The following KLHL14 variants were observed in gnomAD, a reference collection of about 807,000 sequenced individuals.
KLHL14 encodes kelch-like protein 14.
KLHL14 carries 22 observed loss-of-function variants against 64.3 expected under a neutral mutation model. That is an observed-to-expected ratio of 0.34 (90% CI 0.24 to 0.49). KLHL14 has a LOEUF of 0.49. KLHL14 is among the 20% of genes least tolerant of loss of function. The pLI is 0.99. For missense variants in KLHL14, 661 were observed against 789.0 expected (o/e 0.84, Z 1.94); for synonymous variants, 322 against 333.4 (o/e 0.97, Z 0.37).
chr18:32,759,980 A>G (rs2050305484), intron 2 of KLHL14, among the ~76,000 whole-genome samples: 1 of 152,172 alleles, frequency 6.6e-6, no homozygotes, highest in South Asian at 2.1e-4. Flanking sequence ...TGTTTTCTTC[A>G]AAGTTTCCCT....
intron 2 of KLHL14, among the ~76,000 whole-genome samples, chr18:32,764,465 G>C (rs2050330270): frequency 1.3e-5 from 2 of 152,106 alleles, no homozygotes; most frequent in African/African-American, 4.8e-5. Flanking sequence ...TTTTCCACTA[G>C]AATAAGGGCA....
At chr18:32,727,317 T>C (rs1475258702) in intron 3 of KLHL14, among the ~76,000 whole-genome samples, 1 of 152,212 alleles carries the variant, frequency 6.6e-6, no homozygotes, top group African/African-American at 2.4e-5. Context: ...TCCATATCTA[T>C]TCAGGCTTTT....
chr18:32,747,991 G>T (rs1001988141), intron 2 of KLHL14, among the ~76,000 whole-genome samples: 5 of 152,216 alleles, frequency 3.3e-5, no homozygotes, highest in Non-Finnish European at 4.4e-5. Flanking sequence ...GTTCCAGGTG[G>T]TGTTCTAAGG....
At chr18:32,706,748 T>C (rs2049992689) in intron 3 of KLHL14, among the ~76,000 whole-genome samples, 1 of 152,100 alleles carries the variant, frequency 6.6e-6, no homozygotes, top group African/African-American at 2.4e-5. Context: ...GTTATGGGAA[T>C]ACTGTGCATT....
intron 2 of KLHL14, among the ~76,000 whole-genome samples, chr18:32,768,432 C>CACACACA (rs2050358737): frequency 2.1e-5 from 3 of 146,080 alleles, no homozygotes; most frequent in Admixed American, 7.0e-5. Context: ...CACACACACA[C>CACACACA]CATTTAATTC....
At chr18:32,724,213 C>T (rs1205375203) in intron 3 of KLHL14, among the ~76,000 whole-genome samples, 2 of 152,050 alleles carry the variant, frequency 1.3e-5, no homozygotes, top group Admixed American at 6.6e-5. Flanking sequence ...GTCACTTAAC[C>T]GTTCTGATCT....
chr18:32,686,629 G>T (rs2049880522), intron 5 of KLHL14, among the ~76,000 whole-genome samples: 1 of 151,836 alleles, frequency 6.6e-6, no homozygotes, highest in Non-Finnish European at 1.5e-5. Flanking sequence ...AAGACATTTG[G>T]GGAGGAAAAT....
At chr18:32,737,280 C>T (rs2050171183) in intron 3 of KLHL14, 1 of 152,066 alleles carries the variant, frequency 6.6e-6, no homozygotes, top group South Asian at 2.1e-4. Flanking sequence ...ATTTTATTTT[C>T]TTCAAAACAA....
intron 3 of KLHL14, among the ~76,000 whole-genome samples, chr18:32,716,412 T>G (rs1184773264): frequency 1.4e-5 from 2 of 145,622 alleles, no homozygotes; most frequent in Admixed American, 1.4e-4. Context: ...AGATTTTAGC[T>G]TGCTTGACTT....
chr18:32,731,450 T>C (rs2050136607), intron 3 of KLHL14, among the ~76,000 whole-genome samples: 1 of 151,314 alleles, frequency 6.6e-6, no homozygotes, highest in Non-Finnish European at 1.5e-5. Context: ...ACTTATGAAC[T>C]CAAGGAAGGA....
chr18:32,769,285 T>A (rs2050363691), intron 2 of KLHL14, among the ~76,000 whole-genome samples: 1 of 152,176 alleles, frequency 6.6e-6, no homozygotes, highest in Non-Finnish European at 1.5e-5. Context: ...TTAAGATTTG[T>A]AGGGAGAGCT....
At chr18:32,702,617 C>CT (rs1181868157) in intron 3 of KLHL14, among the ~76,000 whole-genome samples, 3 of 151,922 alleles carry the variant, frequency 2.0e-5, no homozygotes, top group Non-Finnish European at 4.4e-5. Context: ...AGCTCTGCTA[C>CT]TTTTTTTCTG....
intron 3 of KLHL14, among the ~76,000 whole-genome samples, chr18:32,709,451 A>T (rs1281982695): frequency 6.8e-6 from 1 of 147,476 alleles, no homozygotes; most frequent in Non-Finnish European, 1.5e-5. Context: ...TACCTTTAGA[A>T]TTTTTTTTTT....
chr18:32,734,125 G>A (rs1217347259), intron 3 of KLHL14: 1 of 702,478 alleles, frequency 1.4e-6, no homozygotes, highest in Non-Finnish European at 2.6e-6. Context: ...AATATTTGAT[G>A]TCTAGTAGTA....
intron 3 of KLHL14, among the ~76,000 whole-genome samples, chr18:32,726,398 C>T (rs962045494): frequency 5.1e-4 from 77 of 152,118 alleles, no homozygotes; most frequent in African/African-American, 1.6e-3. Context: ...CAGAGGTGGG[C>T]GGATCACTTA....
intron 3 of KLHL14, among the ~76,000 whole-genome samples, chr18:32,699,224 T>C (rs1224487257): frequency 6.6e-6 from 1 of 152,154 alleles, no homozygotes; most frequent in African/African-American, 2.4e-5. Flanking sequence ...CTATTACTTT[T>C]TGCAATAATA....
intron 5 of KLHL14, among the ~76,000 whole-genome samples, chr18:32,682,536 G>A (rs893391158): frequency 3.9e-5 from 6 of 152,076 alleles, no homozygotes; most frequent in African/African-American, 1.4e-4. Flanking sequence ...TTTGGAGGAA[G>A]CTTTTTAATG....
intron 2 of KLHL14, among the ~76,000 whole-genome samples, chr18:32,761,517 A>G (rs778647315): frequency 6.7e-6 from 1 of 148,746 alleles, no homozygotes. Flanking sequence ...CCCCAGGCCT[A>G]TTACTTAGAA....
intron 3 of KLHL14, among the ~76,000 whole-genome samples, chr18:32,733,292 T>G (rs1460840149): frequency 1.3e-5 from 2 of 151,858 alleles, no homozygotes; most frequent in African/African-American, 4.8e-5. Flanking sequence ...AAAGGAAACT[T>G]TCCCACTGAA....
Sources: allele counts gnomAD v4.1 joint callset (sites outside exome capture counted in the v4.1 genomes callset), GRCh38; gene constraint gnomAD v4.1.1; transcripts MANE v1.5; gene names NCBI Gene and HGNC (gene_info 2026-07-23, HGNC 2026-07-21).